FNDC3A: variants seen among roughly 807,000 people sequenced by gnomAD.
FNDC3A encodes the protein fibronectin type III domain containing 3A, also known as fibronectin type-III domain-containing protein 3A.
Under a neutral mutation model 148.9 loss-of-function variants are expected in FNDC3A, and 32 were observed. The ratio of observed to expected loss-of-function variants is 0.21; its 90% confidence interval spans 0.16 to 0.29. FNDC3A has a LOEUF of 0.29. Ranked by LOEUF, FNDC3A falls within the 10% of genes least tolerant of loss-of-function variation. The probability of loss-of-function intolerance (pLI) is 1.00; values close to 1 mark genes in which losing one functional copy is unlikely to be tolerated. For synonymous variants in FNDC3A, 472 were observed against 473.6 expected, an observed-to-expected ratio of 1.00 and a Z score of 0.04; for missense variants, 1,191 against 1,452.8, an observed-to-expected ratio of 0.82 and a Z score of 2.93.
chr13:49,104,136 C>T (rs894856525), intron 3 of FNDC3A, among the ~76,000 whole-genome samples: 7 of 152,156 alleles, frequency 4.6e-5, no homozygotes, highest in African/African-American at 1.7e-4. Context: ...TAGCAATGTT[C>T]ATTGGATTTG....
chr13:49,016,913 T>G (rs1158702520), intron 2 of FNDC3A, among the ~76,000 whole-genome samples: 2 of 151,070 alleles, frequency 1.3e-5, no homozygotes, highest in African/African-American at 4.8e-5. Context: ...TGAGCGGTTT[T>G]GAGTGAGATT....
chr13:49,036,015 T>C (rs564310364), intron 2 of FNDC3A, among the ~76,000 whole-genome samples: 2 of 152,262 alleles, frequency 1.3e-5, no homozygotes, highest in South Asian at 4.1e-4. Flanking sequence ...CAAGTATAGA[T>C]AAAGCTTAAT....
At chr13:49,050,619 G>A (rs1469378359) in intron 2 of FNDC3A, among the ~76,000 whole-genome samples, 1 of 152,188 alleles carries the variant, frequency 6.6e-6, no homozygotes, top group Non-Finnish European at 1.5e-5. Context: ...ATATTCTGCA[G>A]TTGTTGGGTA....
chr13:49,118,290 G>T (rs949526426), intron 4 of FNDC3A, among the ~76,000 whole-genome samples: 14 of 152,164 alleles, frequency 9.2e-5, no homozygotes, highest in African/African-American at 3.4e-4. Context: ...GAAGCCATGA[G>T]GGACTGTGCC....
chr13:49,124,524 C>A (rs1430035734), intron 4 of FNDC3A, among the ~76,000 whole-genome samples: 1 of 151,414 alleles, frequency 6.6e-6, no homozygotes, highest in East Asian at 1.9e-4. Flanking sequence ...TCAGAAGAAG[C>A]AAACTATTTG....
chr13:49,077,829 A>G (rs1878219516), intron 3 of FNDC3A, among the ~76,000 whole-genome samples: 1 of 152,228 alleles, frequency 6.6e-6, no homozygotes, highest in African/African-American at 2.4e-5. Context: ...AATTTAAATC[A>G]TTTGTGCAGC....
At chr13:49,107,796 A>G (rs907993819) in intron 3 of FNDC3A, among the ~76,000 whole-genome samples, 2 of 152,238 alleles carry the variant, frequency 1.3e-5, no homozygotes, top group African/African-American at 4.8e-5. Context: ...GATTCATGAA[A>G]GGATTCCTGA....
At chr13:49,067,058 C>T (rs770714572) in intron 2 of FNDC3A, among the ~76,000 whole-genome samples, 3 of 151,866 alleles carry the variant, frequency 2.0e-5, no homozygotes, top group Non-Finnish European at 4.4e-5. Flanking sequence ...ATAGACATGA[C>T]GAGATGGGTA....
intron 8 of FNDC3A, among the ~76,000 whole-genome samples, chr13:49,153,154 A>G (rs1883425825): frequency 6.6e-6 from 1 of 151,858 alleles, no homozygotes; most frequent in Admixed American, 6.5e-5. Context: ...AAGTGTTCCT[A>G]TTTCTCCACA....
intron 19 of FNDC3A, 69 bp from the exon 20 acceptor site, chr13:49,196,808 G>A (rs1412719153): frequency 1.4e-6 from 1 of 737,040 alleles, no homozygotes; most frequent in East Asian, 2.6e-5. Flanking sequence ...CTTTAAATAT[G>A]CAGTTCTGTG....
intron 1 of FNDC3A, among the ~76,000 whole-genome samples, chr13:48,998,261 T>C (rs1177567081): frequency 6.6e-6 from 1 of 152,218 alleles, no homozygotes; most frequent in Non-Finnish European, 1.5e-5. Flanking sequence ...AGGAGCAGTT[T>C]GTTTTCTCTT....
At chr13:49,120,640 A>T (rs1881274002) in intron 4 of FNDC3A, among the ~76,000 whole-genome samples, 1 of 151,830 alleles carries the variant, frequency 6.6e-6, no homozygotes, top group African/African-American at 2.4e-5. Context: ...AAAGGGATGG[A>T]GGAAGATTTA....
chr13:49,070,725 A>G (rs1877601945), intron 2 of FNDC3A, among the ~76,000 whole-genome samples: 1 of 152,104 alleles, frequency 6.6e-6, no homozygotes, highest in African/African-American at 2.4e-5. Context: ...CCCAGCCTCC[A>G]GTAACCACGA....
intron 2 of FNDC3A, among the ~76,000 whole-genome samples, chr13:49,026,644 C>T (rs1429188961): frequency 6.6e-6 from 1 of 152,116 alleles, no homozygotes; most frequent in Non-Finnish European, 1.5e-5. Context: ...GCTAGAACTA[C>T]AGGCATATGC....
chr13:49,159,496 T>C (rs917541563), intron 8 of FNDC3A, among the ~76,000 whole-genome samples: 1 of 152,212 alleles, frequency 6.6e-6, no homozygotes, highest in Non-Finnish European at 1.5e-5. Flanking sequence ...TGAAGTTGCT[T>C]ATCAGCTTAA....
At chr13:49,168,394 T>G (rs926113534) in intron 9 of FNDC3A, among the ~76,000 whole-genome samples, 2 of 152,094 alleles carry the variant, frequency 1.3e-5, no homozygotes, top group African/African-American at 4.8e-5. Flanking sequence ...ACACTCACAG[T>G]TATATCACAA....
intron 8 of FNDC3A, 37 bp from the exon 9 acceptor site, chr13:49,167,207 A>T (rs368469510): frequency 7.4e-7 from 1 of 1,342,408 alleles, no homozygotes; most frequent in Non-Finnish European, 1.1e-6. Context: ...AAAATGCTTT[A>T]TTTATCAGAC....
At chr13:49,179,920 T>G (rs914027071) in intron 14 of FNDC3A, among the ~76,000 whole-genome samples, 12 of 152,234 alleles carry the variant, frequency 7.9e-5, no homozygotes, top group Admixed American at 3.3e-4. Flanking sequence ...CTAAGTATAC[T>G]TAATTGCCAT....
At chr13:49,138,913 C>G (rs569523895) in intron 7 of FNDC3A, 108 bp downstream of exon 7, 19 of 550,116 alleles carry the variant, frequency 3.5e-5, no homozygotes, top group African/African-American at 3.3e-4. Context: ...AAAATAGGAT[C>G]ATACTGTATT....
Sources: allele counts gnomAD v4.1 joint callset (sites outside exome capture counted in the v4.1 genomes callset), GRCh38; gene constraint gnomAD v4.1.1; transcripts MANE v1.5; gene names NCBI Gene and HGNC (gene_info 2026-07-23, HGNC 2026-07-21).